Variants in UGT1A9 observed in about 807,000 individuals in gnomAD.
The protein encoded by UGT1A9 is UDP-glucuronosyltransferase 1A9.
A neutral mutation model predicts 45.0 loss-of-function variants in UGT1A9; 35 were observed. That is an observed-to-expected ratio of 0.78 (90% CI 0.59 to 1.03). The LOEUF is 1.03. Ranked by LOEUF, UGT1A9 falls within the 50% of genes least tolerant of loss-of-function variation. The pLI is 0.00. For missense variants in UGT1A9, 687 were observed against 666.6 expected, an observed-to-expected ratio of 1.03 and a Z score of -0.34; for synonymous variants, 278 against 250.6, an observed-to-expected ratio of 1.11 and a Z score of -1.03.
chr2:233,735,637 A>G (rs2078674460), intron 1 of UGT1A9, among the ~76,000 whole-genome samples: 1 of 152,170 alleles, frequency 6.6e-6, no homozygotes, highest in African/African-American at 2.4e-5. Context: ...ATGTTTTTGC[A>G]GTGGCTGGTA....
chr2:233,760,659 G>T (rs757137518), intron 1 of UGT1A9: 3 of 1,614,230 alleles, frequency 1.9e-6, no homozygotes, highest in Non-Finnish European at 1.7e-6. Context: ...CTATGCTTTT[G>T]TCTGGCTGTT....
At chr2:233,730,838 T>G (rs2078079443) in intron 1 of UGT1A9, among the ~76,000 whole-genome samples, 1 of 152,124 alleles carries the variant, frequency 6.6e-6, no homozygotes, top group Admixed American at 6.5e-5. Context: ...CAGGAGAGGC[T>G]CATCACATCA....
intron 1 of UGT1A9, among the ~76,000 whole-genome samples, chr2:233,721,052 T>G (rs1374543797): frequency 6.6e-6 from 1 of 151,950 alleles, no homozygotes; most frequent in Non-Finnish European, 1.5e-5. Context: ...CCCTTTTTTG[T>G]CATATTCACT....
At chr2:233,754,323 G>A (rs1357745204) in intron 1 of UGT1A9, 2 of 247,114 alleles carry the variant, frequency 8.1e-6, no homozygotes, top group Non-Finnish European at 1.6e-5. Flanking sequence ...GTCTGCCTCA[G>A]GCTTAAGTTT....
At chr2:233,767,620 G>T (rs555830057) in intron 2 of UGT1A9, among the ~76,000 whole-genome samples, 1 of 152,270 alleles carries the variant, frequency 6.6e-6, no homozygotes, top group South Asian at 2.1e-4. Flanking sequence ...TAAGTGCACA[G>T]CTTGATAAAT....
In UGT1A9 at chr2:233,760,686, C is replaced by G. The variant is rs1553620770; in HGVS notation, c.856-6348C>G. ...CTGGCTGTTCCCACTTACTGCACAACAAGGAGCTCATGGCCTCCCTGGCAG... is the reference window on the plus strand; with the variant it reads ...CTGGCTGTTCCCACTTACTGCACAAGAAGGAGCTCATGGCCTCCCTGGCAG... On this transcript the variant is annotated intron_variant, in intron 1 of 4. Transcript: ENST00000354728. 6 of 1,614,220 alleles carry G rather than the reference C, an allele frequency of 3.7e-6. No homozygotes were observed. The highest frequency in any genetic ancestry group is 4.5e-5 in the East Asian group (2 of 44,882).
chr2:233,720,427 G>C (rs2076857980), intron 1 of UGT1A9, among the ~76,000 whole-genome samples: 1 of 152,044 alleles, frequency 6.6e-6, no homozygotes, highest in Non-Finnish European at 1.5e-5. Context: ...GAGGAGATAA[G>C]ACCGTGAATC....
chr2:233,743,573 A>G (rs765598613), intron 1 of UGT1A9: 1 of 1,367,260 alleles, frequency 7.3e-7, no homozygotes, highest in South Asian at 1.1e-5. Context: ...CGGGTTTCCC[A>G]AGAGGTCAAA....
chr2:233,719,078 G>A, intron 1 of UGT1A9: 11 of 1,614,254 alleles, frequency 6.8e-6, no homozygotes, highest in Non-Finnish European at 9.3e-6. Context: ...CATGGACCCA[G>A]AAGGAATTTG....
intron 1 of UGT1A9, among the ~76,000 whole-genome samples, chr2:233,761,825 G>A (rs1697874860): frequency 6.6e-6 from 1 of 152,234 alleles, no homozygotes; most frequent in South Asian, 2.1e-4. Flanking sequence ...GGCTCCTTCA[G>A]ATGGAGCGTT....
chr2:233,768,093 C>G (rs1004945846), intron 3 of UGT1A9, 127 bp from the exon 4 acceptor site: 31 of 1,591,334 alleles, frequency 1.9e-5, no homozygotes, highest in Non-Finnish European at 2.5e-5. Context: ...CCCACATTTT[C>G]TTCTGCAAAT....
At chr2:233,747,988 G>A (rs1693831821) in intron 1 of UGT1A9, 3 of 1,613,354 alleles carry the variant, frequency 1.9e-6, no homozygotes, top group Non-Finnish European at 2.5e-6. Context: ...CTGTTCCGAG[G>A]GGACTTTGTG....
chr2:233,759,804 G>A (rs35746348), intron 1 of UGT1A9, among the ~76,000 whole-genome samples: 153 of 152,314 alleles, frequency 1.0e-3, no homozygotes, highest in African/African-American at 3.5e-3. Context: ...ATACAAGTGA[G>A]CAGGCAGTAC....
At chr2:233,741,652 T>A (rs1179014053) in intron 1 of UGT1A9, 1 of 151,932 alleles carries the variant, frequency 6.6e-6, no homozygotes, top group Non-Finnish European at 1.5e-5. Context: ...GCCAGCTGAC[T>A]GCCATGTTCC....
chr2:233,755,070 C>G, intron 1 of UGT1A9: 1 of 1,336,550 alleles, frequency 7.5e-7, no homozygotes, highest in African/African-American at 1.5e-5. Flanking sequence ...CTCGCCATAG[C>G]GGTCATAGAT....
intron 1 of UGT1A9, among the ~76,000 whole-genome samples, chr2:233,680,344 G>A (rs1559338284): frequency 6.6e-6 from 1 of 152,148 alleles, no homozygotes; most frequent in Non-Finnish European, 1.5e-5. Context: ...GGGTATAAAC[G>A]TCATATCACA....
chr2:233,697,516 A>T (rs6715829), intron 1 of UGT1A9, among the ~76,000 whole-genome samples: 54,219 of 147,148 alleles, frequency 0.37, 10,143 homozygotes, highest in African/African-American at 0.45. Flanking sequence ...TTTTTTTTTT[A>T]AAAAACTTTT....
intron 1 of UGT1A9, chr2:233,682,356 G>A: frequency 6.2e-7 from 1 of 1,614,100 alleles, no homozygotes; most frequent in Non-Finnish European, 8.5e-7. Context: ...TTAAAGGAGA[G>A]TTGTTTTGAT....
intron 1 of UGT1A9, among the ~76,000 whole-genome samples, chr2:233,675,972 A>G (rs1376921582): frequency 1.3e-5 from 2 of 152,192 alleles, no homozygotes; most frequent in South Asian, 2.1e-4. Context: ...CTCACACAAC[A>G]TCTTTCCATA....
Sources: gnomAD v4.1 joint callset for allele counts (sites outside exome capture counted in the v4.1 genomes callset) on GRCh38, gnomAD v4.1.1 for gene constraint, MANE v1.5 for transcripts, NCBI Gene and HGNC (gene_info 2026-07-23, HGNC 2026-07-21) for gene names.